The following MCOLN1 variants were observed in gnomAD, a reference collection of about 807,000 sequenced individuals.
MCOLN1 encodes mucolipin TRP cation channel 1, also known as mucolipin-1.
In MCOLN1, 50 loss-of-function variants were observed where a neutral mutation model predicts 70.3. That is an observed-to-expected ratio of 0.71 (90% CI 0.57 to 0.90). The LOEUF (loss-of-function observed/expected upper bound fraction) is 0.90, where lower values mean the gene tolerates loss of function less well. Among genes scored for constraint, MCOLN1 ranks in the 40% least tolerant of loss-of-function variants. The pLI, the probability that MCOLN1 is intolerant of heterozygous loss-of-function variation, is 0.00. For missense variants in MCOLN1, 598 were observed against 803.5 expected, an observed-to-expected ratio of 0.74 and a Z score of 3.09; for synonymous variants, 366 against 341.0, an observed-to-expected ratio of 1.07 and a Z score of -0.81.
At chr19:7,532,902 A>G (rs1340210021) in intron 12 of MCOLN1, among the ~76,000 whole-genome samples, 6 of 152,166 alleles carry the variant, frequency 3.9e-5, no homozygotes, top group African/African-American at 1.4e-4. Flanking sequence ...GCCCAGGGGC[A>G]GTGCACCGAG....
intron 11 of MCOLN1, 103 bp downstream of exon 11, chr19:7,529,815 G>C (rs919568792): frequency 7.3e-7 from 1 of 1,363,122 alleles, no homozygotes; most frequent in Non-Finnish European, 1.0e-6. Flanking sequence ...TCTGTCCACT[G>C]TCCCCTGTGG....
chr19:7,529,279 C>A, intron 10 of MCOLN1, 77 bp downstream of exon 10: 2 of 1,314,566 alleles, frequency 1.5e-6, no homozygotes, highest in Non-Finnish European at 1.1e-6. Context: ...ACACGCAGCC[C>A]TCACCAGCCC....
In MCOLN1 at chr19:7,533,910, G is replaced by A. The variant is rs2022716582; in HGVS notation, c.*115G>A. The A allele has an allele frequency of 8.5e-6, 11 of 1,288,752 alleles. No individual in the cohort carries two copies. The highest frequency in any genetic ancestry group is 1.2e-5 in the Non-Finnish European group (11 of 909,814). The allele number at this position is 1,288,752 out of a possible 1,614,324, so 79.8% of individuals were successfully genotyped here. ...AGGATCGGCTCCCTGTCGCGCCCGA[G>A]GAGGGCCTGGACCTTTCGTGTCGGA... On this transcript the variant is annotated 3_prime_UTR_variant, in exon 14 of 14. Transcript: ENST00000264079.
chr19:7,525,018 C>T lies in MCOLN1; in HGVS notation c.89C>T (p.Pro30Leu), dbSNP rs200297215. The change falls in exon 2 of 14, where the codon CCG (proline) becomes CTG (leucine). Residue 30 changes from proline (P) to leucine (L), a missense_variant. By Grantham distance (98) the Pro-to-Leu change is moderately conservative. Coordinates refer to ENST00000264079, the MANE Select transcript of MCOLN1 (RefSeq NM_020533.3). This position sits in a 1 kb window ranked among gnomAD's most constrained non-coding sequence, Gnocchi z 4.2. ...PGYGTQAGPS[P>L]APPTPPEEED... ...TATGGGACCCAGGCGGGGCCTTCAC[C>T]GGCCCCTCCGACACCCCCAGAAGAG... 109 of 1,613,894 alleles carry T rather than the reference C, an allele frequency of 6.8e-5. No individual in the cohort carries two copies. The highest frequency in any genetic ancestry group is 1.7e-4 in the Middle Eastern group (1 of 6,056).
rs752481329 is a variant in MCOLN1 at position 7,528,984 on chromosome 19, A to G, written c.1134+14A>G. The G allele has an allele frequency of 6.2e-6, 10 of 1,614,020 alleles. No individual in the cohort carries two copies. The East Asian group carries it at 6.7e-5, about 11-fold the overall frequency. ...ATCGAGGCCAAGGTGCGTCCTGCCA[A>G]CACCCTGGGCCCCAGGTCCCATCCC... On this transcript the variant is annotated intron_variant, in intron 9 of 13. Transcript: ENST00000264079. The surrounding 1 kb of genome is among the most constrained non-coding windows in gnomAD (Gnocchi z 4.2).
chr19:7,524,914 G>T lies in MCOLN1; in HGVS notation c.32-47G>T. On this transcript the variant is annotated intron_variant, in intron 1 of 13. Transcript: ENST00000264079. The surrounding 1 kb of genome is among the most constrained non-coding windows in gnomAD (Gnocchi z 4.1). ...CTTCCTGGTTGGAGAAAGGGGAAAAGGGGAGTTGCCCAGGCCTCACCCCAG... is the reference window on the plus strand; with the variant it reads ...CTTCCTGGTTGGAGAAAGGGGAAAATGGGAGTTGCCCAGGCCTCACCCCAG... 6.7e-7 allele frequency: 1 copy of T among 1,500,040 alleles called. No individual in the cohort carries two copies. The highest frequency in any genetic ancestry group is 1.1e-5 in the South Asian group (1 of 88,342). 92.9% of individuals were successfully genotyped at this position (1,500,040 alleles called of 1,614,324 possible).
chr19:7,528,600 A>G lies in MCOLN1; in HGVS notation c.881A>G (p.Asp294Gly). The stretch of plus-strand genomic sequence containing the variant: ...ACCCGCTCTGCCCTCCCCGCAGGAG[A>G]CAACAGCTTCCGGCTCCTGTTTGAC... ...CKHPSVFQHG[D>G]NSFRLLFDVV... Residue 294 changes from aspartate to glycine, a missense_variant, in exon 8 of 14, where the codon GAC becomes GGC. Physicochemically the swap from Asp to Gly is moderately conservative, Grantham distance 94. This residue lies in a region of MCOLN1 where 461 missense variants were observed against 588.4 expected (regional missense o/e 0.78). Coordinates refer to ENST00000264079, the MANE Select transcript of MCOLN1 (RefSeq NM_020533.3). This position sits in a 1 kb window ranked among gnomAD's most constrained non-coding sequence, Gnocchi z 4.2. 1.9e-6 allele frequency: 3 copies of G among 1,614,104 alleles called. No individual in the cohort carries two copies. The highest frequency in any genetic ancestry group is 2.5e-6 in the Non-Finnish European group (3 of 1,180,020).
chr19:7,528,534 C>A lies in MCOLN1; in HGVS notation c.878-63C>A. The stretch of plus-strand genomic sequence containing the variant: ...CCTAGGTCTCCAGCCTGGCCTGGCA[C>A]CAATGCTAGCCTCCCAAGGCTCCAT... On this transcript the variant is annotated intron_variant, in intron 7 of 13. Transcript: ENST00000264079. The surrounding 1 kb of genome is among the most constrained non-coding windows in gnomAD (Gnocchi z 4.2). The A allele has an allele frequency of 6.2e-7, 1 of 1,606,326 alleles. No individual in the cohort carries two copies. The highest frequency in any genetic ancestry group is 2.2e-5 in the East Asian group (1 of 44,640).
chr19:7,529,484 G>C, intron 10 of MCOLN1, 106 bp from the exon 11 acceptor site: 1 of 1,406,390 alleles, frequency 7.1e-7, no homozygotes, highest in East Asian at 2.5e-5. Flanking sequence ...GACCACACCG[G>C]CTGTGCCCTC....
chr19:7,526,168 T>G lies in MCOLN1; in HGVS notation c.238-271T>G. ...ATTTAATGAACGTTAGTCCCTGCAG[T>G]GAGATAGATGAGTCCCCACCCTGTG... On this transcript the variant is annotated intron_variant, in intron 2 of 13. Transcript: ENST00000264079. This position sits in a 1 kb window ranked among gnomAD's most constrained non-coding sequence, Gnocchi z 4.6. 4.4e-5 allele frequency: 24 copies of G among 547,518 alleles called. No homozygotes were observed. Among genetic ancestry groups the G allele is most frequent in the Middle Eastern group, 4.9e-4 (1 of 2,040 alleles). 33.9% of individuals were successfully genotyped at this position (547,518 alleles called of 1,614,324 possible). A position where few individuals can be genotyped will look rare whatever the true frequency, so the allele number is the denominator to read the frequency against.
In MCOLN1 at chr19:7,524,154, C is replaced by T. The variant is rs557489969; in HGVS notation, c.32-807C>T. Among the ~76,000 whole-genome samples the T allele has an allele frequency of 1.1e-4, 16 of 152,176 alleles. No individual in the cohort carries two copies. The highest frequency in any genetic ancestry group is 3.9e-4 in the African/African-American group (16 of 41,512). ...GAGCCACTGAGCCCAGCCAAGGGGTCGCCTTTTTAAAATTTCCACTCTTCA... is the reference window on the plus strand; with the variant it reads ...GAGCCACTGAGCCCAGCCAAGGGGTTGCCTTTTTAAAATTTCCACTCTTCA... On this transcript the variant is annotated intron_variant, in intron 1 of 13. Coordinates refer to ENST00000264079, the MANE Select transcript of MCOLN1 (RefSeq NM_020533.3). This position sits in a 1 kb window ranked among gnomAD's most constrained non-coding sequence, Gnocchi z 4.1.
chr19:7,529,325 C>T (rs995056873), intron 10 of MCOLN1, 123 bp downstream of exon 10: 1 of 961,828 alleles, frequency 1.0e-6, no homozygotes, highest in South Asian at 1.4e-5. Flanking sequence ...CTCCTCCTAC[C>T]TGCCCACACC....
Position 7,527,504 on chromosome 19 carries a change from G to T in MCOLN1, c.572-16G>T. On this transcript the variant is annotated splice_polypyrimidine_tract_variant and intron_variant, in intron 4 of 13. Transcript: ENST00000264079. ...CCCCGGCCCCCTGAGGCCCTTCCCTGACTCCCTGTCCTTAGACTGCATCCA... is the reference window on the plus strand; with the variant it reads ...CCCCGGCCCCCTGAGGCCCTTCCCTTACTCCCTGTCCTTAGACTGCATCCA... The T allele has an allele frequency of 8.0e-7, 1 of 1,244,364 alleles. No homozygotes were observed. The highest frequency in any genetic ancestry group is 1.2e-6 in the Non-Finnish European group (1 of 841,756). The allele number at this position is 1,244,364 out of a possible 1,614,324, so 77.1% of individuals were successfully genotyped here.
chr19:7,532,065 TG>T (rs559156282), intron 12 of MCOLN1, among the ~76,000 whole-genome samples: 275 of 152,346 alleles, frequency 1.8e-3, no homozygotes, highest in African/African-American at 6.2e-3. Context: ...GTAGGGTGGC[TG>T]GGAACAGTGG....
At position 7,533,909 on chromosome 19, in the gene MCOLN1, A is replaced by G. The variant is rs556357852; in HGVS notation, c.*114A>G. On this transcript the variant is annotated 3_prime_UTR_variant, in exon 14 of 14. Transcript: ENST00000264079. ...AAGGATCGGCTCCCTGTCGCGCCCG[A>G]GGAGGGCCTGGACCTTTCGTGTCGG... is the stretch of plus-strand genomic sequence containing the variant. 1.7e-4 allele frequency: 220 copies of G among 1,323,316 alleles called. No homozygotes were observed. The African/African-American group carries it at 2.7e-3, about 16-fold the overall frequency. 82.0% of individuals were successfully genotyped at this position (1,323,316 alleles called of 1,614,324 possible). A position where few individuals can be genotyped will look rare whatever the true frequency, so the allele number is the denominator to read the frequency against.
chr19:7,533,768 G>C lies in MCOLN1; in HGVS notation c.1716G>C (p.Ser572=), dbSNP rs760559591. 22 of 1,614,082 alleles carry C rather than the reference G, an allele frequency of 1.4e-5. No individual in the cohort carries two copies. The Admixed American group carries it at 2.5e-4, about 18-fold the overall frequency. ...SLLCCCGRDP[S]EEHSLLVN ...TGCTTCCTTCCTCCAGGGACCCCTC[G>C]GAGGAGCATTCGCTGCTGGTGAATT... is the stretch of plus-strand genomic sequence containing the variant. The change falls in exon 14 of 14, where the codon TCG becomes TCC. Residue 572 remains serine, a synonymous_variant. Transcript: ENST00000264079.
Position 7,528,262 on chromosome 19 carries a change from G to A in MCOLN1, c.877+5G>A. ...ACCCCAGTGTCTTCCAGCACGGTGA[G>A]CCCCTGAGCCCCAGACCAGCACTGA... On this transcript the variant is annotated splice_donor_5th_base_variant and intron_variant, in intron 7 of 13. Transcript: ENST00000264079. The surrounding 1 kb of genome is among the most constrained non-coding windows in gnomAD (Gnocchi z 4.2). 3.7e-6 allele frequency: 6 copies of A among 1,613,264 alleles called. No homozygotes were observed. The highest frequency in any genetic ancestry group is 5.1e-6 in the Non-Finnish European group (6 of 1,179,230).
intron 1 of MCOLN1, among the ~76,000 whole-genome samples, chr19:7,523,586 G>C (rs753071387): frequency 6.6e-5 from 10 of 152,236 alleles, no homozygotes; most frequent in Admixed American, 1.3e-4. Flanking sequence ...TGCTTTGCTA[G>C]GCAGGAGGCC....
At position 7,522,737 on chromosome 19, in the gene MCOLN1, G is replaced by T; in HGVS notation, c.-14G>T. 3.4e-6 allele frequency: 5 copies of T among 1,451,540 alleles called. No homozygotes were observed. Among genetic ancestry groups the T allele is most frequent in the Non-Finnish European group, 4.5e-6 (5 of 1,106,188 alleles). The allele number at this position is 1,451,540 out of a possible 1,614,324, so 89.9% of individuals were successfully genotyped here. A position where few individuals can be genotyped will look rare whatever the true frequency, so the allele number is the denominator to read the frequency against. On this transcript the variant is annotated 5_prime_UTR_variant, in exon 1 of 14. Transcript: ENST00000264079. ...CCCGCCGTACCCGCCTGCGTCCCGCGCTCCCGCCCCAGCATGACAGCCCCG... is the reference window on the plus strand; with the variant it reads ...CCCGCCGTACCCGCCTGCGTCCCGCTCTCCCGCCCCAGCATGACAGCCCCG...
Sources: gnomAD v4.1 joint callset for allele counts (sites outside exome capture counted in the v4.1 genomes callset) on GRCh38, gnomAD v4.1.1 for gene constraint, gnomAD v4.1.1 regional missense constraint, Gnocchi (gnomAD v3.1) non-coding constraint, MANE v1.5 for transcripts, NCBI Gene and HGNC (gene_info 2026-07-23, HGNC 2026-07-21) for gene names.